Variants in CD58 observed in about 807,000 individuals in gnomAD.
The protein encoded by CD58 is CD58 molecule, also known as lymphocyte function-associated antigen 3.
A neutral mutation model predicts 27.6 loss-of-function variants in CD58; 14 were observed. The observed-to-expected ratio is 0.51, with a 90% CI of 0.34 to 0.79. CD58 has a LOEUF of 0.79. CD58 is among the 30% of genes least tolerant of loss of function. The probability of loss-of-function intolerance (pLI) is 0.02; values close to 1 mark genes in which losing one functional copy is unlikely to be tolerated. For synonymous variants in CD58, 117 were observed against 103.8 expected (o/e 1.13, Z -0.77); for missense variants, 268 against 301.7 (o/e 0.89, Z 0.83).
chr1:116,570,947 C>T lies in CD58; in HGVS notation c.26G>A (p.Arg9Gln). MVAGSDAG[R>Q]ALGVLSVVCL... is the part of the protein sequence containing the mutation. ...GACCACGCTGAGGACCCCCAGGGCCCGCCCCGCGTCGCTCCCAGCAACCAT... is the reference window on the plus strand; with the variant it reads ...GACCACGCTGAGGACCCCCAGGGCCTGCCCCGCGTCGCTCCCAGCAACCAT... The change falls in exon 1 of 6, where the codon CGG becomes CAG. Residue 9 changes from arginine (R) to glutamine (Q), a missense_variant. Arg to Gln is a conservative substitution (Grantham distance 43, BLOSUM62 1). Coordinates refer to ENST00000369489, the MANE Select transcript of CD58 (RefSeq NM_001779.3). The surrounding 1 kb of genome is among the most constrained non-coding windows in gnomAD (Gnocchi z 6.4). 2.6e-6 allele frequency: 4 copies of T among 1,564,210 alleles called. No homozygotes were observed. Among genetic ancestry groups the T allele is most frequent in the Non-Finnish European group, 3.4e-6 (4 of 1,161,540 alleles).
chr1:116,548,160 T>A (rs973635567), intron 1 of CD58, among the ~76,000 whole-genome samples: 1 of 152,252 alleles, frequency 6.6e-6, no homozygotes, highest in African/African-American at 2.4e-5. Flanking sequence ...TTTGCTTTTT[T>A]CTTGCTGATT....
Position 116,519,400 on chromosome 1 carries a change from T to G in CD58, c.707-133A>C, listed in dbSNP as rs1212440517. ...GCCCCATCACCCTGGGATTTCCTGC[T>G]ATCCTATATGCTTTAAATCAAATCG... is the stretch of plus-strand genomic sequence containing the variant. On this transcript the variant is annotated intron_variant, in intron 4 of 5. Transcript: ENST00000369489. The surrounding 1 kb of genome is among the most constrained non-coding windows in gnomAD (Gnocchi z 4.7). The G allele has an allele frequency of 6.4e-6, 5 of 779,992 alleles. No individual in the cohort carries two copies. Among genetic ancestry groups the G allele is most frequent in the Non-Finnish European group, 2.2e-6 (1 of 456,990 alleles). The allele number at this position is 779,992 out of a possible 1,614,324, so 48.3% of individuals were successfully genotyped here.
Position 116,521,862 on chromosome 1 carries a change from CA to C in CD58, c.706+43del, listed in dbSNP as rs761951755. 9.3e-6 allele frequency: 10 copies of C among 1,069,696 alleles called. No individual in the cohort carries two copies. In the African/African-American group the frequency reaches 1.3e-4, roughly 13 times the overall value. The allele number at this position is 1,069,696 out of a possible 1,614,324, so 66.3% of individuals were successfully genotyped here. A position where few individuals can be genotyped will look rare whatever the true frequency, so the allele number is the denominator to read the frequency against. On this transcript the variant is annotated intron_variant, in intron 4 of 5. Transcript: ENST00000369489. The surrounding 1 kb of genome is among the most constrained non-coding windows in gnomAD (Gnocchi z 5.6). ...AAACTATTTTCTGACCTTTGGAAAA[CA>C]ATGCAAGTTTTCAAACTATTTTGTT...
chr1:116,525,067 CATT>C (rs1182317780), intron 3 of CD58, among the ~76,000 whole-genome samples: 24 of 152,316 alleles, frequency 1.6e-4, no homozygotes, highest in African/African-American at 5.1e-4. Context: ...TCTGATACAT[CATT>C]ATCATTAAAA....
intron 2 of CD58, among the ~76,000 whole-genome samples, chr1:116,542,014 C>G (rs1203191091): frequency 6.6e-6 from 1 of 152,242 alleles, no homozygotes. Context: ...CACAGTGGCT[C>G]ACACCTGTAA....
Position 116,552,738 on chromosome 1 carries a change from G to A in CD58, c.71-8134C>T, listed in dbSNP as rs536691729. On this transcript the variant is annotated intron_variant, in intron 1 of 5. Transcript: ENST00000369489. This position sits in a 1 kb window ranked among gnomAD's most constrained non-coding sequence, Gnocchi z 4.5. ...AATTAATCTGCCATCCACCACTGATGAACACTCCTTTTGTGGCTAGCTTTG... is the reference window on the plus strand; with the variant it reads ...AATTAATCTGCCATCCACCACTGATAAACACTCCTTTTGTGGCTAGCTTTG... Among the ~76,000 whole-genome samples, 214 of 152,284 alleles carry A rather than the reference G, an allele frequency of 1.4e-3. 16 individuals carry two copies. The highest frequency in any genetic ancestry group is 3.7e-3 in the South Asian group (18 of 4,832).
intron 1 of CD58, among the ~76,000 whole-genome samples, chr1:116,569,553 CAA>C (rs1225849876): frequency 2.0e-5 from 3 of 150,830 alleles, no homozygotes; most frequent in Non-Finnish European, 4.4e-5. Context: ...CTTGATTTCA[CAA>C]AAGAGACTGC....
intron 5 of CD58, chr1:116,518,781 C>T (rs1571055666): frequency 9.9e-7 from 1 of 1,005,466 alleles, no homozygotes. Context: ...CCAGCTCTGA[C>T]CCTGGCTCCT....
At chr1:116,542,667 C>T (rs1658029091) in intron 2 of CD58, among the ~76,000 whole-genome samples, 1 of 152,168 alleles carries the variant, frequency 6.6e-6, no homozygotes, top group Non-Finnish European at 1.5e-5. Context: ...GGGAAATTCT[C>T]ATCAGGAGAG....
Position 116,517,800 on chromosome 1 carries a change from G to T in CD58, c.743+1431C>A, listed in dbSNP as rs867866308. 6.6e-6 allele frequency among the ~76,000 whole-genome samples: 1 copy of T among 152,146 alleles called. No homozygotes were observed. The highest frequency in any genetic ancestry group is 2.1e-4 in the South Asian group (1 of 4,830). On this transcript the variant is annotated intron_variant, in intron 5 of 5. Coordinates refer to ENST00000369489, the MANE Select transcript of CD58 (RefSeq NM_001779.3). This position sits in a 1 kb window ranked among gnomAD's most constrained non-coding sequence, Gnocchi z 6.5. ...CCCCAATCCGTAACTCTAGCGTGAAGCCCACGCTCCAATTCTGTGCATGGA... is the reference window on the plus strand; with the variant it reads ...CCCCAATCCGTAACTCTAGCGTGAATCCCACGCTCCAATTCTGTGCATGGA...
At chr1:116,533,594 T>A in intron 3 of CD58, 2 of 708,504 alleles carry the variant, frequency 2.8e-6, no homozygotes, top group South Asian at 2.7e-5. Flanking sequence ...TTTCTAAAGA[T>A]GGTAAACCAG....
chr1:116,529,526 A>T (rs906719925), intron 3 of CD58, among the ~76,000 whole-genome samples: 8 of 152,210 alleles, frequency 5.3e-5, no homozygotes, highest in African/African-American at 1.9e-4. Context: ...AGTGGGGAAG[A>T]CACAGTGCTT....
chr1:116,526,695 T>G (rs977704241), intron 3 of CD58, among the ~76,000 whole-genome samples: 3 of 152,206 alleles, frequency 2.0e-5, no homozygotes, highest in African/African-American at 7.2e-5. Context: ...CATTTAACCT[T>G]AAAATCAGTT....
intron 1 of CD58, among the ~76,000 whole-genome samples, chr1:116,555,002 T>C (rs1031534686): frequency 9.9e-5 from 15 of 152,146 alleles, no homozygotes; most frequent in African/African-American, 3.4e-4. Flanking sequence ...AGTGAGTTTT[T>C]TCTCAAAGGT....
chr1:116,558,075 T>TTCTC (rs199697659), intron 1 of CD58, among the ~76,000 whole-genome samples: 1 of 151,098 alleles, frequency 6.6e-6, no homozygotes, highest in Non-Finnish European at 1.5e-5. Flanking sequence ...TTTAAGATAC[T>TTCTC]TCTCTCTCTC....
At chr1:116,544,232 A>T (rs1658079873) in intron 2 of CD58, 79 bp downstream of exon 2, 2 of 947,616 alleles carry the variant, frequency 2.1e-6, no homozygotes, top group Non-Finnish European at 3.2e-6. Context: ...ATAGACCATT[A>T]ATTTGTGCTA....
Position 116,514,636 on chromosome 1 carries a change from A to T in CD58, c.*177T>A, listed in dbSNP as rs1657019354. The T allele has an allele frequency of 1.9e-6, 1 of 538,262 alleles. No individual in the cohort carries two copies. Among genetic ancestry groups the T allele is most frequent in the Non-Finnish European group, 3.4e-6 (1 of 297,186 alleles). 33.3% of individuals were successfully genotyped at this position (538,262 alleles called of 1,614,324 possible). On this transcript the variant is annotated 3_prime_UTR_variant, in exon 6 of 6. Coordinates refer to ENST00000369489, the MANE Select transcript of CD58 (RefSeq NM_001779.3). ...AAGCACCTAGTCATATAATAAGTTG[A>T]TGACAGCCAAAACTAATGCTTGTTC...
At chr1:116,525,949 C>A (rs1457996403) in intron 3 of CD58, among the ~76,000 whole-genome samples, 1 of 152,192 alleles carries the variant, frequency 6.6e-6, no homozygotes, top group African/African-American at 2.4e-5. Context: ...CCGCACCCGG[C>A]CCAGGAGTAT....
In CD58 at chr1:116,519,398, G is replaced by T. The variant is rs1240497723; in HGVS notation, c.707-131C>A. 2 of 792,992 alleles carry T rather than the reference G, an allele frequency of 2.5e-6. No homozygotes were observed. The highest frequency in any genetic ancestry group is 4.3e-6 in the Non-Finnish European group (2 of 468,152). The allele number at this position is 792,992 out of a possible 1,614,324, so 49.1% of individuals were successfully genotyped here. The stretch of plus-strand genomic sequence containing the variant: ...GAGCCCCATCACCCTGGGATTTCCT[G>T]CTATCCTATATGCTTTAAATCAAAT... On this transcript the variant is annotated intron_variant, in intron 4 of 5. Transcript: ENST00000369489. This position sits in a 1 kb window ranked among gnomAD's most constrained non-coding sequence, Gnocchi z 4.7.
Sources: gnomAD v4.1 joint callset for allele counts (sites outside exome capture counted in the v4.1 genomes callset) on GRCh38, gnomAD v4.1.1 for gene constraint, Gnocchi (gnomAD v3.1) non-coding constraint, MANE v1.5 for transcripts, NCBI Gene and HGNC (gene_info 2026-07-23, HGNC 2026-07-21) for gene names.